The following BLVRA variants were observed in gnomAD, a reference collection of about 807,000 sequenced individuals.
BLVRA encodes the protein BVR A.
BLVRA carries 22 observed loss-of-function variants against 32.8 expected under a neutral mutation model. The observed-to-expected ratio is 0.67, with a 90% CI of 0.48 to 0.96. The LOEUF (loss-of-function observed/expected upper bound fraction) is 0.96. BLVRA is among the 40% of genes least tolerant of loss of function. The pLI is 0.00. For synonymous variants in BLVRA, 119 were observed against 141.3 expected, an observed-to-expected ratio of 0.84 and a Z score of 1.12; for missense variants, 323 against 358.1, an observed-to-expected ratio of 0.90 and a Z score of 0.79.
chr7:43,773,322 T>C (rs1054923351), intron 2 of BLVRA, among the ~76,000 whole-genome samples: 2 of 151,618 alleles, frequency 1.3e-5, no homozygotes, highest in African/African-American at 2.4e-5. Flanking sequence ...CGGAGTTCGA[T>C]GTTCCCCTTC....
rs56855757 is a variant in BLVRA, at chr7:43,798,197, CAAAAAAAAAAAAAAA to C, written c.353-2253_353-2239del. Among the ~76,000 whole-genome samples the C allele has an allele frequency of 5.2e-3, 237 of 45,210 alleles. 3 individuals carry two copies. The highest frequency in any genetic ancestry group is 8.1e-3 in the Non-Finnish European group (204 of 25,058). The allele number at this position is 45,210 out of a possible 152,430, so 29.7% of individuals were successfully genotyped here. Reference sequence around the variant, plus strand: ...TGACAGAGGGAGACTCCCCATCTCACAAAAAAAAAAAAAAAAAAAAAAAAAAAAAGGAAACGATGC... The same window carrying C: ...TGACAGAGGGAGACTCCCCATCTCACAAAAAAAAAAAAAAGGAAACGATGC... On this transcript the variant is annotated intron_variant, in intron 5 of 7. Coordinates refer to ENST00000265523, the MANE Select transcript of BLVRA (RefSeq NM_000712.4).
At chr7:43,784,576 A>G (rs2095774503) in intron 2 of BLVRA, among the ~76,000 whole-genome samples, 1 of 150,498 alleles carries the variant, frequency 6.6e-6, no homozygotes, top group Admixed American at 6.6e-5. Flanking sequence ...GACTATTAAG[A>G]TACCAGTGTC....
At chr7:43,759,316 C>T (rs17239423) in intron 1 of BLVRA, among the ~76,000 whole-genome samples, 4 of 152,270 alleles carry the variant, frequency 2.6e-5, no homozygotes, top group African/African-American at 9.6e-5. Flanking sequence ...GTAAAGTGCA[C>T]TCTACATATG....
At position 43,787,982 on chromosome 7, in the gene BLVRA, C is replaced by G; in HGVS notation, c.91C>G (p.His31Asp). The G allele has an allele frequency of 6.2e-7, 1 of 1,614,200 alleles. No homozygotes were observed. Among genetic ancestry groups the G allele is most frequent in the Non-Finnish European group, 8.5e-7 (1 of 1,180,040 alleles). The change falls in exon 3 of 8, where the codon CAC becomes GAC. Residue 31 changes from histidine to aspartate, a missense_variant. Coordinates refer to ENST00000265523, the MANE Select transcript of BLVRA (RefSeq NM_000712.4). The surrounding 1 kb of genome is among the most constrained non-coding windows in gnomAD (Gnocchi z 4.5). ...SVRMRDLRNP[H>D]PSSAFLNLIG... The stretch of plus-strand genomic sequence containing the variant: ...GCGGATGAGGGACTTGCGGAATCCA[C>G]ACCCTTCCTCAGCGTTCCTGAACCT...
At chr7:43,782,291 G>T (rs560454578) in intron 2 of BLVRA, among the ~76,000 whole-genome samples, 10 of 152,332 alleles carry the variant, frequency 6.6e-5, no homozygotes, top group African/African-American at 2.4e-4. Flanking sequence ...AGCAAAACTA[G>T]TTGTGGCCCA....
intron 2 of BLVRA, among the ~76,000 whole-genome samples, chr7:43,773,090 C>A (rs1172538741): frequency 6.6e-6 from 1 of 152,168 alleles, no homozygotes; most frequent in Non-Finnish European, 1.5e-5. Context: ...TGACACCTCA[C>A]ATCTTGTCCA....
chr7:43,765,475 C>T (rs1406019456), intron 1 of BLVRA, among the ~76,000 whole-genome samples: 3 of 152,144 alleles, frequency 2.0e-5, no homozygotes, highest in Admixed American at 6.5e-5. Flanking sequence ...TCGTCTTGAA[C>T]TCCTGGCCTC....
At chr7:43,799,939 G>A (rs186426743) in intron 5 of BLVRA, among the ~76,000 whole-genome samples, 4 of 151,886 alleles carry the variant, frequency 2.6e-5, no homozygotes, top group Admixed American at 6.6e-5. Context: ...TCAGGTTTTC[G>A]TTTCATTCAT....
In BLVRA at chr7:43,806,990, A is replaced by G. The variant is rs902700652; in HGVS notation, c.646A>G (p.Ile216Val). Residue 216 changes from isoleucine to valine, a missense_variant, in exon 8 of 8, where the codon ATT becomes GTT. Transcript: ENST00000265523. ...ETEKKSPLSW[I>V]EEKGPGLKRN... ...TTGTCTTTGCAGTCCACTGTCATGGATTGAAGAAAAAGGACCTGGTCTAAA... is the reference window on the plus strand; with the variant it reads ...TTGTCTTTGCAGTCCACTGTCATGGGTTGAAGAAAAAGGACCTGGTCTAAA... The G allele has an allele frequency of 6.2e-6, 10 of 1,613,948 alleles. No homozygotes were observed. Among genetic ancestry groups the G allele is most frequent in the Non-Finnish European group, 8.5e-6 (10 of 1,180,026 alleles).
rs201711396 is a variant in BLVRA at position 43,764,777 on chromosome 7, C to CA, written c.-22+6051dup. Among the ~76,000 whole-genome samples the CA allele has an allele frequency of 7.0e-4, 101 of 144,974 alleles. No individual in the cohort carries two copies. The East Asian group carries it at 0.017, about 24-fold the overall frequency. On this transcript the variant is annotated intron_variant, in intron 1 of 7. Transcript: ENST00000265523. ...CCGAAAGAGAACCCCCCACCCCCCG[C>CA]AAAAAAAAGAAGTAAAGTGGGTTAA...
intron 3 of BLVRA, 23 bp from the exon 4 acceptor site, chr7:43,791,226 A>G (rs578189054): frequency 6.2e-7 from 1 of 1,613,858 alleles, no homozygotes; most frequent in African/African-American, 1.3e-5. Flanking sequence ...ATTGAGTTCC[A>G]TTTCTCTGTT....
chr7:43,799,596 C>CCTT (rs1386350434), intron 5 of BLVRA, among the ~76,000 whole-genome samples: 1 of 152,144 alleles, frequency 6.6e-6, no homozygotes, highest in Non-Finnish European at 1.5e-5. Context: ...GCTCAGCCTC[C>CCTT]CAAGTAGCTG....
At chr7:43,799,733 CA>C (rs1340003262) in intron 5 of BLVRA, among the ~76,000 whole-genome samples, 2 of 152,018 alleles carry the variant, frequency 1.3e-5, no homozygotes, top group Non-Finnish European at 2.9e-5. Context: ...CTTGGCCTCC[CA>C]AAGTGCTGGG....
intron 3 of BLVRA, 87 bp downstream of exon 3, chr7:43,788,112 A>C: frequency 4.4e-6 from 7 of 1,604,602 alleles, no homozygotes; most frequent in Non-Finnish European, 6.0e-6. Context: ...TTCCAGACCC[A>C]GGGCAGGGAG....
intron 2 of BLVRA, among the ~76,000 whole-genome samples, chr7:43,782,097 C>T (rs1438368442): frequency 1.3e-5 from 2 of 152,164 alleles, no homozygotes; most frequent in African/African-American, 2.4e-5. Flanking sequence ...CGGGGTGCCT[C>T]GCTCATCTTA....
At chr7:43,766,149 G>A (rs2132545459) in intron 1 of BLVRA, among the ~76,000 whole-genome samples, 1 of 152,156 alleles carries the variant, frequency 6.6e-6, no homozygotes. Flanking sequence ...GTGGTGGTGT[G>A]GTGGTAGGCG....
intron 3 of BLVRA, among the ~76,000 whole-genome samples, chr7:43,788,347 A>C (rs1216482293): frequency 6.6e-6 from 1 of 152,190 alleles, no homozygotes; most frequent in East Asian, 1.9e-4. Flanking sequence ...TTCGGTGTGC[A>C]CCGGGGAATC....
chr7:43,805,282 C>CTT (rs368451107), intron 7 of BLVRA, among the ~76,000 whole-genome samples: 39 of 138,806 alleles, frequency 2.8e-4, no homozygotes, highest in Non-Finnish European at 3.9e-4. Flanking sequence ...CTCTCTCTCT[C>CTT]TTTTTTTTTT....
At chr7:43,773,752 C>T (rs1467651144) in intron 2 of BLVRA, among the ~76,000 whole-genome samples, 10 of 152,206 alleles carry the variant, frequency 6.6e-5, no homozygotes, top group African/African-American at 2.4e-4. Flanking sequence ...TACAGTCACA[C>T]CAACAGTGTA....
Sources: allele counts gnomAD v4.1 joint callset (sites outside exome capture counted in the v4.1 genomes callset), GRCh38; gene constraint gnomAD v4.1.1; non-coding constraint Gnocchi (gnomAD v3.1); transcripts MANE v1.5; gene names NCBI Gene and HGNC (gene_info 2026-07-23, HGNC 2026-07-21).